LCORL: variants seen among roughly 807,000 people sequenced by gnomAD.
The protein encoded by LCORL is ligand dependent nuclear receptor corepressor like.
Under a neutral mutation model 141.8 loss-of-function variants are expected in LCORL, and 41 were observed. The observed-to-expected ratio is 0.29, with a 90% confidence interval of 0.23 to 0.38. The LOEUF (loss-of-function observed/expected upper bound fraction) is 0.38. Among genes scored for constraint, LCORL ranks in the 10% least tolerant of loss-of-function variants. LCORL has a pLI of 1.00. For missense variants in LCORL, 1,759 were observed against 2,035.0 expected, an observed-to-expected ratio of 0.86 and a Z score of 2.61; for synonymous variants, 618 against 694.1, an observed-to-expected ratio of 0.89 and a Z score of 1.72.
chr4:17,950,983 T>A (rs1234825949), intron 4 of LCORL, among the ~76,000 whole-genome samples: 1 of 152,150 alleles, frequency 6.6e-6, no homozygotes, highest in Non-Finnish European at 1.5e-5. Flanking sequence ...TTTCATCCAG[T>A]TGGTTTGTCT....
intron 7 of LCORL, among the ~76,000 whole-genome samples, chr4:17,868,206 A>T (rs1725912351): frequency 6.6e-6 from 1 of 152,204 alleles, no homozygotes. Flanking sequence ...CTTAGTTAAA[A>T]ATCAGCCATC....
chr4:17,931,848 C>A (rs138021872), intron 4 of LCORL, among the ~76,000 whole-genome samples: 169 of 151,982 alleles, frequency 1.1e-3, no homozygotes, highest in African/African-American at 3.6e-3. Flanking sequence ...TCTTTTATAT[C>A]CTTACTTACT....
intron 6 of LCORL, among the ~76,000 whole-genome samples, chr4:17,885,729 A>C (rs1271572245): frequency 6.6e-6 from 1 of 151,938 alleles, no homozygotes; most frequent in African/African-American, 2.4e-5. Context: ...TTGTTTTAAA[A>C]AATTAATAAA....
At chr4:17,852,168 G>A (rs979438138) in intron 7 of LCORL, among the ~76,000 whole-genome samples, 7 of 152,070 alleles carry the variant, frequency 4.6e-5, no homozygotes, top group African/African-American at 1.7e-4. Context: ...TTCATAAAAT[G>A]ATTAGAAAGC....
chr4:17,995,496 G>A (rs575555537), intron 1 of LCORL, among the ~76,000 whole-genome samples: 2 of 152,136 alleles, frequency 1.3e-5, no homozygotes, highest in Non-Finnish European at 2.9e-5. Context: ...AAAGAAACCG[G>A]ATCAATGTAT....
chr4:17,849,034 G>A (rs940163661), intron 7 of LCORL, among the ~76,000 whole-genome samples: 25 of 152,354 alleles, frequency 1.6e-4, no homozygotes, highest in African/African-American at 4.8e-4. Flanking sequence ...TGGGAAGCTC[G>A]AACTGGGTGG....
At chr4:17,860,796 T>A (rs1476068441) in intron 7 of LCORL, among the ~76,000 whole-genome samples, 1 of 152,186 alleles carries the variant, frequency 6.6e-6, no homozygotes, top group Admixed American at 6.5e-5. Context: ...CATTCCAAAT[T>A]GGAGACATTG....
exon 7 of LCORL, chr4:17,874,004 C>T (rs1463224014): frequency 7.3e-6 from 9 of 1,234,042 alleles, no homozygotes; most frequent in South Asian, 4.1e-5. Flanking sequence ...TCTCAGGTGG[C>T]AAAACACACT....
At chr4:17,898,652 G>GTTTTTTTTTTTTTTTTTTT (rs34770223) in intron 5 of LCORL, among the ~76,000 whole-genome samples, 2 of 119,272 alleles carry the variant, frequency 1.7e-5, no homozygotes, top group African/African-American at 3.1e-5. Context: ...CATTCTCACC[G>GTTTTTTTTTTTTTTTTTTT]TTTTTTTTTT....
intron 5 of LCORL, among the ~76,000 whole-genome samples, chr4:17,899,752 G>T (rs1236117112): frequency 6.6e-6 from 1 of 152,042 alleles, no homozygotes; most frequent in Non-Finnish European, 1.5e-5. Context: ...AAAAAAACAA[G>T]AATTGACACT....
chr4:17,875,628 C>T (rs1306945465), exon 7 of LCORL: 1 of 1,231,078 alleles, frequency 8.1e-7, no homozygotes, highest in Admixed American at 4.2e-5. Context: ...TGGGCTTTTC[C>T]TTCCAGCACT....
intron 7 of LCORL, among the ~76,000 whole-genome samples, chr4:17,867,981 C>G (rs1181920917): frequency 6.6e-6 from 1 of 152,106 alleles, no homozygotes. Context: ...CAGAATGTAT[C>G]TTTATTAAAA....
chr4:17,906,835 T>C (rs1433996534), intron 5 of LCORL, among the ~76,000 whole-genome samples: 10 of 152,146 alleles, frequency 6.6e-5, no homozygotes, highest in African/African-American at 2.4e-4. Context: ...TACAGGCATG[T>C]GCCACCACGC....
intron 1 of LCORL, among the ~76,000 whole-genome samples, chr4:17,985,337 C>T (rs1051911245): frequency 2.6e-5 from 4 of 151,902 alleles, no homozygotes; most frequent in Admixed American, 6.6e-5. Context: ...TAATTTTCTC[C>T]CTTCATGATC....
rs761863992 is a variant in LCORL, at chr4:17,992,014, T to TC, written c.155-19130dup. 8.7e-4 allele frequency among the ~76,000 whole-genome samples: 133 copies of TC among 152,226 alleles called. 1 individual carries two copies. Among genetic ancestry groups the TC allele is most frequent in the Non-Finnish European group, 5.0e-4 (34 of 68,010 alleles). On this transcript the variant is annotated intron_variant, in intron 1 of 7. Transcript: ENST00000635767. ...GGTAAAACCTTCTGATGACAAGTAATCATACTATAAACTTCAGAGTACGTA... is the reference window on the plus strand; with the variant it reads ...GGTAAAACCTTCTGATGACAAGTAATCCATACTATAAACTTCAGAGTACGTA...
At chr4:17,914,207 T>C (rs1449301924) in intron 4 of LCORL, among the ~76,000 whole-genome samples, 5 of 152,254 alleles carry the variant, frequency 3.3e-5, no homozygotes, top group Admixed American at 2.0e-4. Flanking sequence ...AAGGCTTCTA[T>C]GAACATTCTT....
intron 5 of LCORL, among the ~76,000 whole-genome samples, chr4:17,898,106 A>G (rs964045877): frequency 2.0e-5 from 3 of 152,170 alleles, no homozygotes; most frequent in East Asian, 1.9e-4. Context: ...ACATGATTAC[A>G]TATTTGGTTT....
intron 1 of LCORL, among the ~76,000 whole-genome samples, chr4:18,010,793 T>C (rs1482571094): frequency 6.6e-6 from 1 of 152,154 alleles, no homozygotes; most frequent in African/African-American, 2.4e-5. Context: ...TAAATTTGAC[T>C]TGTTTTCAGA....
chr4:17,887,582 T>C (rs1728463117), intron 5 of LCORL, among the ~76,000 whole-genome samples: 1 of 152,158 alleles, frequency 6.6e-6, no homozygotes, highest in Non-Finnish European at 1.5e-5. Context: ...CCAGGGTATC[T>C]GAAATGAAGG....
Sources: allele counts gnomAD v4.1 joint callset (sites outside exome capture counted in the v4.1 genomes callset), GRCh38; gene constraint gnomAD v4.1.1; transcripts MANE v1.5; gene names NCBI Gene and HGNC (gene_info 2026-07-23, HGNC 2026-07-21).